RNLS: variants seen among roughly 807,000 people sequenced by gnomAD.
The protein encoded by RNLS is renalase, FAD dependent amine oxidase, also known as renalase.
A neutral mutation model predicts 39.8 loss-of-function variants in RNLS; 39 were observed. The observed-to-expected ratio is 0.98, with a 90% CI of 0.76 to 1.28. The LOEUF (loss-of-function observed/expected upper bound fraction) is 1.28. RNLS is among the 50% of genes most tolerant of loss of function. The pLI is 0.00. For missense variants in RNLS, 410 were observed against 413.3 expected (o/e 0.99, Z 0.07); for synonymous variants, 147 against 150.7 (o/e 0.98, Z 0.18).
chr10:88,393,912 T>C (rs1852379340), intron 4 of RNLS, among the ~76,000 whole-genome samples: 1 of 152,146 alleles, frequency 6.6e-6, no homozygotes, highest in African/African-American at 2.4e-5. Flanking sequence ...ATCTGATCTT[T>C]GACAAACCTG....
chr10:88,273,250 T>C (rs1228053645), downstream of RNLS, among the ~76,000 whole-genome samples: 2 of 152,192 alleles, frequency 1.3e-5, no homozygotes, highest in African/African-American at 2.4e-5. Flanking sequence ...ACAAGGCCAA[T>C]TGGCTGCCTG....
chr10:88,326,515 A>T (rs999119164), intron 5 of RNLS, among the ~76,000 whole-genome samples: 1 of 152,218 alleles, frequency 6.6e-6, no homozygotes, highest in Non-Finnish European at 1.5e-5. Flanking sequence ...TGTAAGCAGC[A>T]AAGTGTTCAA....
chr10:88,412,340 T>C (rs149549549), intron 4 of RNLS, among the ~76,000 whole-genome samples: 293 of 152,090 alleles, frequency 1.9e-3, no homozygotes, highest in African/African-American at 7.0e-3. Flanking sequence ...GCGGGGGTGT[T>C]GAATGAAGAT....
At chr10:88,473,624 C>A (rs1240384296) in intron 4 of RNLS, among the ~76,000 whole-genome samples, 1 of 152,112 alleles carries the variant, frequency 6.6e-6, no homozygotes, top group East Asian at 1.9e-4. Context: ...AAAATATATA[C>A]CATGCATTTA....
At chr10:88,409,541 C>G (rs1853525445) in intron 4 of RNLS, among the ~76,000 whole-genome samples, 1 of 152,102 alleles carries the variant, frequency 6.6e-6, no homozygotes, top group African/African-American at 2.4e-5. Flanking sequence ...TACAAGAAAA[C>G]AGTTCTAGAT....
the RNLS span, among the ~76,000 whole-genome samples, chr10:88,209,561 A>G: frequency 6.6e-6 from 1 of 152,186 alleles, no homozygotes; most frequent in Non-Finnish European, 1.5e-5. Flanking sequence ...TCAAATTACT[A>G]ACTTCCAGAA....
Position 88,528,908 on chromosome 10 carries a change from T to C in RNLS, c.526+43995A>G, listed in dbSNP as rs143537645. ...GAAGTAATGTCTCCAGAAAAATCCATCAATCAATCAATAGAATATCTAATG... is the reference window on the plus strand; with the variant it reads ...GAAGTAATGTCTCCAGAAAAATCCACCAATCAATCAATAGAATATCTAATG... On this transcript the variant is annotated intron_variant, in intron 4 of 6. Transcript: ENST00000331772. Among the ~76,000 whole-genome samples, 9 of 150,308 alleles carry C rather than the reference T, an allele frequency of 6.0e-5. No individual in the cohort carries two copies. The East Asian group carries it at 1.6e-3, about 26-fold the overall frequency.
At chr10:88,448,657 C>T (rs975182501) in intron 4 of RNLS, among the ~76,000 whole-genome samples, 1 of 152,156 alleles carries the variant, frequency 6.6e-6, no homozygotes, top group Non-Finnish European at 1.5e-5. Flanking sequence ...TGGGTATATA[C>T]CCAAAGGATT....
chr10:88,352,692 T>C (rs966043188), intron 5 of RNLS, among the ~76,000 whole-genome samples: 6 of 152,226 alleles, frequency 3.9e-5, no homozygotes, highest in African/African-American at 1.4e-4. Flanking sequence ...CAGGCTTTGG[T>C]ATCAGCATGA....
In RNLS at chr10:88,536,069, C is replaced by G. The variant is rs556092892; in HGVS notation, c.526+36834G>C. ...CAATCAGACAGGCCTGAGTTTGAAG[C>G]CTGGCTCTGATACCTAACAATAGGT... is the stretch of plus-strand genomic sequence containing the variant. On this transcript the variant is annotated intron_variant, in intron 4 of 6. Coordinates refer to ENST00000331772, the MANE Select transcript of RNLS (RefSeq NM_001031709.3). Among the ~76,000 whole-genome samples, 13 of 152,206 alleles carry G rather than the reference C, an allele frequency of 8.5e-5. 1 individual carries two copies. The highest frequency in any genetic ancestry group is 2.4e-4 in the African/African-American group (10 of 41,534).
At chr10:88,476,744 T>C (rs951210791) in intron 4 of RNLS, among the ~76,000 whole-genome samples, 1 of 152,116 alleles carries the variant, frequency 6.6e-6, no homozygotes, top group Non-Finnish European at 1.5e-5. Flanking sequence ...AATAAAACAA[T>C]GGTCAAATTC....
At chr10:88,553,534 C>T (rs1808749364) in intron 4 of RNLS, among the ~76,000 whole-genome samples, 3 of 152,116 alleles carry the variant, frequency 2.0e-5, no homozygotes, top group African/African-American at 7.2e-5. Context: ...GGTAATCTCT[C>T]ATTAAGATTT....
At chr10:88,309,579 G>T in intron 6 of RNLS, 1 of 684,524 alleles carries the variant, frequency 1.5e-6, no homozygotes, top group Non-Finnish European at 2.3e-6. Flanking sequence ...TAATCAGCTG[G>T]AAAAGGCCTG....
In RNLS at chr10:88,362,729, T is replaced by C; in HGVS notation, c.527-4A>G. On this transcript the variant is annotated splice_polypyrimidine_tract_variant and splice_region_variant and intron_variant, in intron 4 of 6. Transcript: ENST00000331772. ...TGCCTTTGGCATTCACTAATTACTG[T>C]GGAAGAAAAAATAAAAGGCATCAAA... The C allele has an allele frequency of 6.2e-7, 1 of 1,605,708 alleles. No individual in the cohort carries two copies. The highest frequency in any genetic ancestry group is 8.5e-7 in the Non-Finnish European group (1 of 1,177,094).
intron 5 of RNLS, among the ~76,000 whole-genome samples, chr10:88,355,399 A>C (rs946885316): frequency 5.1e-4 from 78 of 152,052 alleles, no homozygotes; most frequent in Non-Finnish European, 6.2e-4. Flanking sequence ...TTTGGTGTGG[A>C]TGTCCTTTCT....
chr10:88,319,583 A>T (rs1047382805), intron 5 of RNLS, among the ~76,000 whole-genome samples: 2 of 152,062 alleles, frequency 1.3e-5, no homozygotes, highest in Admixed American at 1.3e-4. Flanking sequence ...AAAAAAAGAA[A>T]AAAAACCCAA....
rs372286880 is a variant in RNLS, at chr10:88,371,409, T to C, written c.527-8684A>G. 5.3e-5 allele frequency among the ~76,000 whole-genome samples: 8 copies of C among 152,284 alleles called. No homozygotes were observed. The South Asian group carries it at 1.7e-3, about 32-fold the overall frequency. The stretch of plus-strand genomic sequence containing the variant: ...AAAGACACGTCTTTGTCTAGTAAAC[T>C]GCACGGCTACACTTCACTTTTCAGA... On this transcript the variant is annotated intron_variant, in intron 4 of 6. Transcript: ENST00000331772.
chr10:88,569,285 CAGGAAAGTATTCCA>C (rs1013370763), intron 4 of RNLS, among the ~76,000 whole-genome samples: 3 of 150,536 alleles, frequency 2.0e-5, no homozygotes, highest in Non-Finnish European at 4.4e-5. Flanking sequence ...AAGGTTTTAA[CAGGAAAGTATTCCA>C]ATTTAAAAAC....
chr10:88,350,137 T>G (rs1206728671), intron 5 of RNLS, among the ~76,000 whole-genome samples: 2 of 152,244 alleles, frequency 1.3e-5, no homozygotes, highest in East Asian at 1.9e-4. Flanking sequence ...CAGTCTTCCT[T>G]TTTTGTTCTA....
Sources: gnomAD v4.1 joint callset for allele counts (sites outside exome capture counted in the v4.1 genomes callset) on GRCh38, gnomAD v4.1.1 for gene constraint, MANE v1.5 for transcripts, NCBI Gene and HGNC (gene_info 2026-07-23, HGNC 2026-07-21) for gene names.